MECOM: variants seen among roughly 807,000 people sequenced by gnomAD.
MECOM encodes MDS1 and EVI1 complex locus.
MECOM carries 13 observed loss-of-function variants against 116.3 expected under a neutral mutation model. The ratio of observed to expected loss-of-function variants is 0.11; its 90% CI spans 0.07 to 0.18. The LOEUF is 0.18. Among genes scored for constraint, MECOM ranks in the 10% least tolerant of loss-of-function variants. The probability of loss-of-function intolerance (pLI) is 1.00; values close to 1 mark genes in which losing one functional copy is unlikely to be tolerated. For synonymous variants in MECOM, 528 were observed against 535.2 expected, an observed-to-expected ratio of 0.99 and a Z score of 0.19; for missense variants, 1,299 against 1,509.0, an observed-to-expected ratio of 0.86 and a Z score of 2.31.
intron 1 of MECOM, among the ~76,000 whole-genome samples, chr3:169,392,214 T>A (rs1000220615): frequency 6.6e-6 from 1 of 151,930 alleles, no homozygotes. Flanking sequence ...TTTGCACTGG[T>A]TGATAAAGTT....
chr3:169,172,403 T>TTGTGTG (rs1287087223), intron 2 of MECOM, among the ~76,000 whole-genome samples: 6 of 112,824 alleles, frequency 5.3e-5, no homozygotes, highest in African/African-American at 1.8e-4. Context: ...GCAGGTACCC[T>TTGTGTG]TGTATGTGTG....
chr3:169,602,367 G>T (rs552927555), intron 1 of MECOM, among the ~76,000 whole-genome samples: 1 of 152,280 alleles, frequency 6.6e-6, no homozygotes, highest in South Asian at 2.1e-4. Flanking sequence ...TGGAATCGGG[G>T]GAAAGGAGCC....
At chr3:169,604,139 T>C (rs1768181529) in intron 1 of MECOM, among the ~76,000 whole-genome samples, 1 of 152,138 alleles carries the variant, frequency 6.6e-6, no homozygotes, top group Non-Finnish European at 1.5e-5. Flanking sequence ...AATGAGTATT[T>C]GTGTGTAAGC....
chr3:169,101,940 G>A, intron 11 of MECOM, 120 bp downstream of exon 11: 1 of 857,560 alleles, frequency 1.2e-6, no homozygotes, highest in Non-Finnish European at 1.7e-6. Context: ...AAGTGCTGGA[G>A]ATCTATTATG....
At chr3:169,183,401 C>G (rs984471409) in intron 2 of MECOM, among the ~76,000 whole-genome samples, 4 of 152,190 alleles carry the variant, frequency 2.6e-5, no homozygotes, top group Admixed American at 2.0e-4. Context: ...GCACACTTTA[C>G]TATTGTAAGA....
At chr3:169,332,409 T>G (rs1722898569) in intron 2 of MECOM, among the ~76,000 whole-genome samples, 1 of 152,114 alleles carries the variant, frequency 6.6e-6, no homozygotes, top group Non-Finnish European at 1.5e-5. Context: ...AGCTTTGAAC[T>G]GACAGGCAGG....
chr3:169,595,458 T>G (rs190994333), intron 1 of MECOM, among the ~76,000 whole-genome samples: 1 of 152,322 alleles, frequency 6.6e-6, no homozygotes, highest in African/African-American at 2.4e-5. Flanking sequence ...ACTTTAAAAT[T>G]GCTTCATATA....
intron 1 of MECOM, among the ~76,000 whole-genome samples, chr3:169,538,764 A>C (rs762041015): frequency 6.6e-6 from 1 of 152,158 alleles, no homozygotes. Context: ...GGAGTAACTA[A>C]CTACTGGTGA....
intron 1 of MECOM, among the ~76,000 whole-genome samples, chr3:169,648,932 A>C (rs922843849): frequency 1.3e-5 from 2 of 152,250 alleles, no homozygotes; most frequent in Non-Finnish European, 2.9e-5. Context: ...TGGAGGAATG[A>C]GATCCTTTAA....
intron 1 of MECOM, among the ~76,000 whole-genome samples, chr3:169,586,527 GGCT>G (rs971607816): frequency 5.9e-5 from 9 of 152,260 alleles, no homozygotes; most frequent in Admixed American, 5.9e-4. Flanking sequence ...TTAAGGCTCA[GGCT>G]AATGAAATTT....
Position 169,134,525 on chromosome 3 carries a change from G to A in MECOM, c.511-2994C>T, listed in dbSNP as rs570125862. Among the ~76,000 whole-genome samples, 5 of 152,248 alleles carry A rather than the reference G, an allele frequency of 3.3e-5. No individual in the cohort carries two copies. In the South Asian group the frequency reaches 8.3e-4, roughly 25 times the overall value. ...TGAGGTTTGAAAAGAACTGGCAAGC[G>A]CCAGATATAATGAGGGCAGATTCTG... On this transcript the variant is annotated intron_variant, in intron 3 of 16. Coordinates refer to ENST00000651503, the MANE Select transcript of MECOM (RefSeq NM_004991.4).
At chr3:169,431,611 T>G (rs771966977) in intron 1 of MECOM, among the ~76,000 whole-genome samples, 3 of 151,216 alleles carry the variant, frequency 2.0e-5, no homozygotes, top group African/African-American at 2.4e-5. Flanking sequence ...TTTACTCACC[T>G]GATTAGATTC....
chr3:169,525,433 T>C (rs1208513372), intron 1 of MECOM, among the ~76,000 whole-genome samples: 3 of 152,204 alleles, frequency 2.0e-5, no homozygotes, highest in Admixed American at 2.0e-4. Context: ...CTTTGAAACA[T>C]TGTAAATAAC....
At chr3:169,616,615 T>C (rs1009740931) in intron 1 of MECOM, among the ~76,000 whole-genome samples, 3 of 152,188 alleles carry the variant, frequency 2.0e-5, no homozygotes, top group Non-Finnish European at 4.4e-5. Context: ...GCTGTGATTA[T>C]AGGCACGAGT....
chr3:169,561,166 C>T (rs1050000466), intron 1 of MECOM, among the ~76,000 whole-genome samples: 5 of 151,694 alleles, frequency 3.3e-5, no homozygotes, highest in Admixed American at 2.0e-4. Flanking sequence ...TTATAATTTT[C>T]GATGTAAGGG....
At chr3:169,599,235 G>C (rs1020905911) in intron 1 of MECOM, among the ~76,000 whole-genome samples, 1 of 152,162 alleles carries the variant, frequency 6.6e-6, no homozygotes, top group Non-Finnish European at 1.5e-5. Context: ...TTAGCATAAG[G>C]CCGGGCACGG....
At chr3:169,551,177 A>T (rs1259118378) in intron 1 of MECOM, among the ~76,000 whole-genome samples, 1 of 152,066 alleles carries the variant, frequency 6.6e-6, no homozygotes, top group African/African-American at 2.4e-5. Context: ...ACACCTAAAT[A>T]ATCCACTGAC....
At chr3:169,589,927 C>G (rs573049908) in intron 1 of MECOM, among the ~76,000 whole-genome samples, 1 of 152,258 alleles carries the variant, frequency 6.6e-6, no homozygotes, top group East Asian at 1.9e-4. Context: ...CAAAAGACAC[C>G]AATTGAGCCA....
chr3:169,447,099 C>A (rs984082711), intron 1 of MECOM, among the ~76,000 whole-genome samples: 1 of 152,102 alleles, frequency 6.6e-6, no homozygotes, highest in African/African-American at 2.4e-5. Flanking sequence ...CTAGAAGATT[C>A]TACATTAGTT....
Sources: gnomAD v4.1 joint callset for allele counts (sites outside exome capture counted in the v4.1 genomes callset) on GRCh38, gnomAD v4.1.1 for gene constraint, MANE v1.5 for transcripts, NCBI Gene and HGNC (gene_info 2026-07-23, HGNC 2026-07-21) for gene names.